PARD3: variants seen among roughly 807,000 people sequenced by gnomAD.
The protein encoded by PARD3 is partitioning defective 3 homolog.
Under a neutral mutation model 155.4 loss-of-function variants are expected in PARD3, and 75 were observed. The ratio of observed to expected loss-of-function variants is 0.48; its 90% CI spans 0.40 to 0.58. PARD3 has a LOEUF of 0.58. Among genes scored for constraint, PARD3 ranks in the 20% least tolerant of loss-of-function variants. PARD3 has a pLI of 0.00. For synonymous variants in PARD3, 576 were observed against 610.5 expected (o/e 0.94, Z 0.83); for missense variants, 1,642 against 1,721.7 (o/e 0.95, Z 0.82).
At chr10:34,240,050 G>C (rs1273446765) in intron 22 of PARD3, among the ~76,000 whole-genome samples, 1 of 152,172 alleles carries the variant, frequency 6.6e-6, no homozygotes, top group Admixed American at 6.5e-5. Context: ...AACATTCTCA[G>C]TGATTTAGCG....
At chr10:34,406,296 A>G (rs1844467740) in intron 5 of PARD3, among the ~76,000 whole-genome samples, 1 of 152,226 alleles carries the variant, frequency 6.6e-6, no homozygotes, top group Admixed American at 6.5e-5. Context: ...ACTTGCAAAG[A>G]GATCTTTATC....
intron 1 of PARD3, among the ~76,000 whole-genome samples, chr10:34,765,378 T>G (rs1591010988): frequency 6.6e-6 from 1 of 152,100 alleles, no homozygotes; most frequent in South Asian, 2.1e-4. Context: ...CATTTCTTCT[T>G]AAGATTTGGG....
intron 1 of PARD3, among the ~76,000 whole-genome samples, chr10:34,714,933 G>A (rs1368840391): frequency 2.6e-5 from 4 of 151,284 alleles, no homozygotes; most frequent in Admixed American, 2.6e-4. Context: ...CACCACCACA[G>A]CCAGCTAATT....
chr10:34,805,934 G>A (rs766235149), intron 1 of PARD3, among the ~76,000 whole-genome samples: 106 of 151,694 alleles, frequency 7.0e-4, no homozygotes, highest in Non-Finnish European at 1.3e-3. Flanking sequence ...CCGAAATCAC[G>A]TCACTGCACT....
At chr10:34,228,711 T>C (rs922024002) in intron 22 of PARD3, among the ~76,000 whole-genome samples, 1 of 152,018 alleles carries the variant, frequency 6.6e-6, no homozygotes, top group Admixed American at 6.6e-5. Flanking sequence ...GAGGAAGATA[T>C]GGGATTTTAA....
At chr10:34,601,859 T>A (rs1489872867) in intron 2 of PARD3, among the ~76,000 whole-genome samples, 1 of 152,216 alleles carries the variant, frequency 6.6e-6, no homozygotes, top group Non-Finnish European at 1.5e-5. Flanking sequence ...TATGGAGACA[T>A]CATTTGAAAC....
At chr10:34,316,360 T>C (rs1217675962) in intron 20 of PARD3, among the ~76,000 whole-genome samples, 2 of 152,214 alleles carry the variant, frequency 1.3e-5, no homozygotes, top group Admixed American at 6.5e-5. Context: ...GTCACTTTTA[T>C]TGTATGGCAA....
At chr10:34,235,394 G>T (rs1043663029) in intron 22 of PARD3, among the ~76,000 whole-genome samples, 1 of 152,168 alleles carries the variant, frequency 6.6e-6, no homozygotes, top group Non-Finnish European at 1.5e-5. Flanking sequence ...AAGATTCTAG[G>T]CATGCTTCCA....
At chr10:34,447,322 A>T (rs1240465379) in intron 5 of PARD3, among the ~76,000 whole-genome samples, 1 of 151,720 alleles carries the variant, frequency 6.6e-6, no homozygotes, top group Non-Finnish European at 1.5e-5. Flanking sequence ...TGTACTAAAA[A>T]CACAAAAAAT....
chr10:34,424,675 G>A lies in PARD3; in HGVS notation c.715-22758C>T, dbSNP rs888725534. On this transcript the variant is annotated intron_variant, in intron 5 of 24. Coordinates refer to ENST00000374788, the MANE Select transcript of PARD3 (RefSeq NM_001184785.2). ...GACTACAGGCGCGCACCACCACGCC[G>A]GACTAATTTTTGTATTTTTAGTAGA... Among the ~76,000 whole-genome samples the A allele has an allele frequency of 3.1e-4, 47 of 151,746 alleles. 1 individual carries two copies. Among genetic ancestry groups the A allele is most frequent in the Admixed American group, 2.6e-3 (39 of 15,192 alleles).
chr10:34,247,824 A>G (rs1954056400), intron 22 of PARD3, among the ~76,000 whole-genome samples: 1 of 152,218 alleles, frequency 6.6e-6, no homozygotes, highest in Non-Finnish European at 1.5e-5. Context: ...AATAATCGGA[A>G]AAGTACGGTC....
chr10:34,211,660 A>G (rs1951758756), intron 22 of PARD3, among the ~76,000 whole-genome samples: 1 of 152,058 alleles, frequency 6.6e-6, no homozygotes, highest in Non-Finnish European at 1.5e-5. Flanking sequence ...GGCGCCTGTA[A>G]TCCCAGCTAC....
intron 5 of PARD3, among the ~76,000 whole-genome samples, chr10:34,414,057 G>C (rs767658035): frequency 4.6e-5 from 7 of 152,022 alleles, no homozygotes; most frequent in Non-Finnish European, 1.0e-4. Flanking sequence ...AACTGGCTGG[G>C]AGTGGTAACA....
At chr10:34,736,649 AATTAATTT>A (rs1228595227) in intron 1 of PARD3, among the ~76,000 whole-genome samples, 2 of 141,494 alleles carry the variant, frequency 1.4e-5, no homozygotes, top group African/African-American at 3.0e-5. Context: ...TTTATTAATT[AATTAATTT>A]ATTTATTTAT....
chr10:34,727,814 C>CCA (rs140873851), intron 1 of PARD3, among the ~76,000 whole-genome samples: 43,199 of 142,330 alleles, frequency 0.3, 7,189 homozygotes, highest in Non-Finnish European at 0.38. Flanking sequence ...CCTCCCTCCA[C>CCA]CACACACACA....
At chr10:34,807,495 T>C (rs953479961) in intron 1 of PARD3, among the ~76,000 whole-genome samples, 1 of 152,094 alleles carries the variant, frequency 6.6e-6, no homozygotes, top group Non-Finnish European at 1.5e-5. Flanking sequence ...AAAGGAAACC[T>C]CATACCCATT....
intron 22 of PARD3, among the ~76,000 whole-genome samples, chr10:34,242,795 C>T (rs1025376458): frequency 9.9e-5 from 15 of 151,998 alleles, no homozygotes; most frequent in Admixed American, 2.0e-4. Flanking sequence ...ATTAGCTGGG[C>T]GTGGTGGCGC....
chr10:34,428,692 G>T lies in PARD3; in HGVS notation c.714+21625C>A, dbSNP rs190769808. On this transcript the variant is annotated intron_variant, in intron 5 of 24. Transcript: ENST00000374788. ...AGAGCCCTGCCAATGGGACAAAAGG[G>T]CCAGGAAGGATTATAAAGCCAGTGG... 6.6e-5 allele frequency among the ~76,000 whole-genome samples: 10 copies of T among 152,288 alleles called. No homozygotes were observed. The East Asian group carries it at 1.9e-3, about 29-fold the overall frequency.
At chr10:34,659,893 G>A (rs374661936) in intron 2 of PARD3, among the ~76,000 whole-genome samples, 13 of 152,056 alleles carry the variant, frequency 8.5e-5, no homozygotes, top group African/African-American at 1.2e-4. Flanking sequence ...TTTTGCTTCC[G>A]CGCATGCATT....
Sources: gnomAD v4.1 joint callset for allele counts (sites outside exome capture counted in the v4.1 genomes callset) on GRCh38, gnomAD v4.1.1 for gene constraint, MANE v1.5 for transcripts, NCBI Gene and HGNC (gene_info 2026-07-23, HGNC 2026-07-21) for gene names.